The following IL10RB variants were observed in gnomAD, a reference collection of about 807,000 sequenced individuals.
IL10RB encodes interleukin-10 receptor subunit beta.
In IL10RB, 30 loss-of-function variants were observed where a neutral mutation model predicts 38.7. The observed-to-expected ratio is 0.78, with a 90% CI of 0.58 to 1.05. The LOEUF (loss-of-function observed/expected upper bound fraction) is 1.05. Ranked by LOEUF, IL10RB falls within the 50% of genes least tolerant of loss-of-function variation. The pLI is 0.00. For missense variants in IL10RB, 328 were observed against 397.1 expected (o/e 0.83, Z 1.48); for synonymous variants, 142 against 145.9 (o/e 0.97, Z 0.19).
At chr21:33,300,214 T>G (rs1601840974), downstream of IL10RB, among the ~76,000 whole-genome samples, 1 of 151,868 alleles carries the variant, frequency 6.6e-6, no homozygotes. Flanking sequence ...CCGAGGTGGG[T>G]GGATCACCTG....
intron 2 of IL10RB, among the ~76,000 whole-genome samples, chr21:33,272,403 A>G (rs1711599731): frequency 6.6e-6 from 1 of 152,204 alleles, no homozygotes; most frequent in Non-Finnish European, 1.5e-5. Flanking sequence ...GGGACCAATC[A>G]GATAGCTCCT....
intron 2 of IL10RB, among the ~76,000 whole-genome samples, chr21:33,272,828 T>A (rs372835503): frequency 2.0e-5 from 3 of 152,230 alleles, no homozygotes; most frequent in African/African-American, 7.2e-5. Flanking sequence ...TGTTGCGAGC[T>A]TAGATTCAGG....
At chr21:33,268,328 T>G (rs537351751) in intron 1 of IL10RB, 66 bp from the exon 2 acceptor site, 13 of 1,610,640 alleles carry the variant, frequency 8.1e-6, no homozygotes, top group Non-Finnish European at 1.1e-5. Context: ...GTGCTGGATG[T>G]GGGCTTTTTC....
downstream of IL10RB, among the ~76,000 whole-genome samples, chr21:33,298,289 A>T (rs2082975793): frequency 1.3e-5 from 2 of 152,136 alleles, no homozygotes; most frequent in African/African-American, 4.8e-5. Context: ...GCTTTTTTGA[A>T]ACTTTTTTCA....
intron 6 of IL10RB, among the ~76,000 whole-genome samples, chr21:33,291,262 A>G (rs1423568035): frequency 1.4e-5 from 2 of 142,498 alleles, no homozygotes; most frequent in East Asian, 3.9e-4. Flanking sequence ...GGATTAGGAC[A>G]TATGAATTTC....
chr21:33,276,531 C>A, intron 2 of IL10RB, 65 bp from the exon 3 acceptor site: 11 of 1,300,916 alleles, frequency 8.5e-6, no homozygotes, highest in South Asian at 1.2e-5. Flanking sequence ...AAATTAAGTA[C>A]CAGTCAGCCT....
intron 6 of IL10RB, among the ~76,000 whole-genome samples, chr21:33,290,484 A>C (rs1989464419): frequency 6.6e-6 from 1 of 152,186 alleles, no homozygotes; most frequent in African/African-American, 2.4e-5. Flanking sequence ...CTAGACCCAC[A>C]GAGCCTCAAA....
chr21:33,276,000 A>G (rs970363677), intron 2 of IL10RB, among the ~76,000 whole-genome samples: 1 of 152,266 alleles, frequency 6.6e-6, no homozygotes, highest in Non-Finnish European at 1.5e-5. Context: ...AATTACCAAA[A>G]TGTGACATAA....
intron 1 of IL10RB, 91 bp downstream of exon 1, chr21:33,266,605 GA>G: frequency 1.5e-6 from 2 of 1,331,460 alleles, no homozygotes; most frequent in Non-Finnish European, 2.1e-6. Context: ...CCCTGCAAGT[GA>G]CTTAAGAGCC....
At chr21:33,286,800 CTG>C (rs1989383170) in intron 5 of IL10RB, among the ~76,000 whole-genome samples, 1 of 152,120 alleles carries the variant, frequency 6.6e-6, no homozygotes, top group South Asian at 2.1e-4. Context: ...CTGCAGTGAG[CTG>C]TGTTTGCACT....
chr21:33,275,436 G>A (rs1436924996), intron 2 of IL10RB, among the ~76,000 whole-genome samples: 2 of 152,098 alleles, frequency 1.3e-5, no homozygotes, highest in Admixed American at 6.6e-5. Context: ...GATTACAGGC[G>A]TGAGCCACCA....
intron 6 of IL10RB, among the ~76,000 whole-genome samples, chr21:33,292,791 G>A (rs1261384957): frequency 3.9e-5 from 6 of 152,142 alleles, no homozygotes; most frequent in African/African-American, 7.2e-5. Flanking sequence ...AAGGATATGC[G>A]AAGTCACACA....
At chr21:33,298,674 GTTACAC>G (rs1246908918), downstream of IL10RB, among the ~76,000 whole-genome samples, 1 of 152,066 alleles carries the variant, frequency 6.6e-6, no homozygotes. Context: ...TTAAGATCTT[GTTACAC>G]TTTTTTAAAG....
At chr21:33,302,453 C>T (rs1257187898) in intron 1 of IL10RB, among the ~76,000 whole-genome samples, 1 of 152,232 alleles carries the variant, frequency 6.6e-6, no homozygotes, top group African/African-American at 2.4e-5. Context: ...TCTCCCTCTG[C>T]CCAATCCTAC....
chr21:33,297,120 G>A lies in IL10RB; in HGVS notation c.*763G>A, dbSNP rs1463436655. The A allele has an allele frequency of 6.4e-6, 1 of 155,112 alleles. No individual in the cohort carries two copies. The highest frequency in any genetic ancestry group is 1.4e-5 in the Non-Finnish European group (1 of 69,902). 9.6% of individuals were successfully genotyped at this position (155,112 alleles called of 1,614,324 possible). ...TCAGCTCAATGCTACACAGAGCACG[G>A]ACTTTTGGATTCTTTGCAGTACTTT... On this transcript the variant is annotated 3_prime_UTR_variant, in exon 7 of 7. Coordinates refer to ENST00000290200, the MANE Select transcript of IL10RB (RefSeq NM_000628.5).
rs372100491 is a variant in IL10RB at position 33,293,099 on chromosome 21, C to T, written c.805-3085C>T. 5.3e-5 allele frequency among the ~76,000 whole-genome samples: 8 copies of T among 152,322 alleles called. No individual in the cohort carries two copies. In the East Asian group the frequency reaches 9.6e-4, roughly 18 times the overall value. ...TTTAAAGAGGATGTCCTGGCATGCC[C>T]CACTGCAAGGGTCCCCTCAAATATC... On this transcript the variant is annotated intron_variant, in intron 6 of 6. Coordinates refer to ENST00000290200, the MANE Select transcript of IL10RB (RefSeq NM_000628.5).
intron 6 of IL10RB, among the ~76,000 whole-genome samples, chr21:33,293,758 G>A (rs953026632): frequency 1.3e-5 from 2 of 151,646 alleles, no homozygotes; most frequent in African/African-American, 4.9e-5. Flanking sequence ...AGTGAGCAGA[G>A]ATCGCGCCAC....
Position 33,279,880 on chromosome 21 carries a change from T to G in IL10RB, c.460T>G (p.Tyr154Asp). The change falls in exon 4 of 7, where the codon TAT becomes GAT. Residue 154 changes from tyrosine to aspartate, a missense_variant. By Grantham distance (160) the Tyr-to-Asp change is radical. Transcript: ENST00000290200. Reference protein sequence around the residue: ...TMKNVYNSWTYNVQYWKNGTD... With the variant: ...TMKNVYNSWTDNVQYWKNGTD... The stretch of plus-strand genomic sequence containing the variant: ...GAAGAATGTGTATAACTCATGGACT[T>G]ATAATGTGCAATACTGGAAAAACGG... The G allele has an allele frequency of 6.2e-7, 1 of 1,614,020 alleles. No individual in the cohort carries two copies. The highest frequency in any genetic ancestry group is 8.5e-7 in the Non-Finnish European group (1 of 1,179,888).
exon 2 of IL10RB, chr21:33,309,164 G>A (rs1207130126): frequency 6.6e-6 from 1 of 152,170 alleles, no homozygotes; most frequent in Non-Finnish European, 1.5e-5. Flanking sequence ...TCATCATTAG[G>A]AGATGTTGGC....
Sources: allele counts gnomAD v4.1 joint callset (sites outside exome capture counted in the v4.1 genomes callset), GRCh38; gene constraint gnomAD v4.1.1; transcripts MANE v1.5; gene names NCBI Gene and HGNC (gene_info 2026-07-23, HGNC 2026-07-21).